The following TRIM37 variants were observed in gnomAD, a reference collection of about 807,000 sequenced individuals.
TRIM37 encodes the protein tripartite motif containing 37, also known as E3 ubiquitin-protein ligase TRIM37.
A neutral mutation model predicts 129.8 loss-of-function variants in TRIM37; 80 were observed. That is an observed-to-expected ratio of 0.62 (90% CI 0.51 to 0.74). The LOEUF is 0.74. TRIM37 is among the 30% of genes least tolerant of loss of function. The pLI is 0.00. For missense variants in TRIM37, 1,054 were observed against 1,176.5 expected (o/e 0.90, Z 1.52); for synonymous variants, 389 against 387.1 (o/e 1.00, Z -0.06).
In TRIM37 at chr17:59,064,365, C is replaced by G; in HGVS notation, c.850G>C (p.Glu284Gln). 6.3e-7 allele frequency: 1 copy of G among 1,599,940 alleles called. No homozygotes were observed. Among genetic ancestry groups the G allele is most frequent in the Non-Finnish European group, 8.5e-7 (1 of 1,172,138 alleles). Residue 284 changes from glutamate to glutamine, a missense_variant, in exon 10 of 24, where the codon GAG becomes CAG. Physicochemically the swap from Glu to Gln is conservative, Grantham distance 29 (BLOSUM62 2). Transcript: ENST00000262294. ...GTCAAAAACTCTTACCTGAAATTCT[C>G]TAAAACAAAAGTAGCTGAATCGTAA... is the stretch of plus-strand genomic sequence containing the variant. The part of the protein sequence containing the change: ...PSYDSATFVL[E>Q]NFSTLRQRAD...
At chr17:59,104,208 G>A in intron 2 of TRIM37, 85 bp downstream of exon 2, 1 of 1,371,282 alleles carries the variant, frequency 7.3e-7, no homozygotes, top group Non-Finnish European at 1.0e-6. Flanking sequence ...GGCAAAAAAT[G>A]TAAAATAAAA....
chr17:59,038,155 T>C lies in TRIM37; in HGVS notation c.1753+3658A>G, dbSNP rs58390975. Among the ~76,000 whole-genome samples the C allele has an allele frequency of 8.9e-3, 1,351 of 152,286 alleles. 28 individuals carry two copies. Among genetic ancestry groups the C allele is most frequent in the African/African-American group, 0.03 (1,247 of 41,566 alleles). On this transcript the variant is annotated intron_variant, in intron 17 of 23. Transcript: ENST00000262294. ...GCCAAGTTTCTCTACTTCAAAGTTG[T>C]TTCCCCCTTTTGAAACTGTACTATT...
At position 59,079,851 on chromosome 17, in the gene TRIM37, A is replaced by C; in HGVS notation, c.519T>G (p.Asn173Lys). 6.2e-7 allele frequency: 1 copy of C among 1,614,036 alleles called. No homozygotes were observed. Among genetic ancestry groups the C allele is most frequent in the Non-Finnish European group, 8.5e-7 (1 of 1,179,934 alleles). ...EVERNVEAVR[N>K]AKDERVREIR... ...TTTCCCGAACACGCTCATCTTTTGC[A>C]TTTCTTACAGCTTCTACATTCCTTT... The change falls in exon 7 of 24, where the codon AAT becomes AAG. Residue 173 changes from asparagine (N) to lysine (K), a missense_variant. By Grantham distance (94) the Asn-to-Lys change is moderately conservative. This residue lies in a region of TRIM37 where 752 missense variants were observed against 870.8 expected (regional missense o/e 0.86). Transcript: ENST00000262294.
chr17:59,101,104 T>C (rs1013931344), intron 2 of TRIM37, among the ~76,000 whole-genome samples: 1 of 151,522 alleles, frequency 6.6e-6, no homozygotes, highest in Non-Finnish European at 1.5e-5. Flanking sequence ...CAGTTATACC[T>C]AATAAAAAAT....
chr17:59,081,982 T>C (rs1200182078), intron 5 of TRIM37, among the ~76,000 whole-genome samples: 1 of 120,182 alleles, frequency 8.3e-6, no homozygotes, highest in Non-Finnish European at 1.8e-5. Context: ...ATAATAATAA[T>C]AATAATGCTG....
intron 16 of TRIM37, among the ~76,000 whole-genome samples, chr17:59,042,627 G>A (rs976639200): frequency 6.6e-6 from 1 of 151,152 alleles, no homozygotes; most frequent in Non-Finnish European, 1.5e-5. Context: ...GCTGGGCGTT[G>A]TGGTGGGGAC....
At chr17:59,099,655 C>T (rs886486551) in intron 2 of TRIM37, among the ~76,000 whole-genome samples, 1 of 152,074 alleles carries the variant, frequency 6.6e-6, no homozygotes, top group African/African-American at 2.4e-5. Context: ...GAAACGCTAA[C>T]TAAAACAAGG....
intron 15 of TRIM37, 36 bp downstream of exon 15, chr17:59,049,142 T>C: frequency 6.4e-7 from 1 of 1,561,764 alleles, no homozygotes; most frequent in African/African-American, 1.4e-5. Context: ...TTTTTTTTAA[T>C]CAAACACAAA....
intron 11 of TRIM37, 133 bp from the exon 12 acceptor site, chr17:59,061,241 A>G: frequency 1.4e-6 from 1 of 728,594 alleles, no homozygotes; most frequent in Non-Finnish European, 2.4e-6. Context: ...TAAAAACACC[A>G]ATAGATTTGA....
chr17:58,972,413 T>A, the TRIM37 span: 1 of 930,238 alleles, frequency 1.1e-6, no homozygotes, highest in Non-Finnish European at 1.5e-6. Context: ...TGCAATGGTG[T>A]GATCTTGGCT....
chr17:59,065,263 G>A (rs1366439460), intron 9 of TRIM37, among the ~76,000 whole-genome samples: 2 of 152,182 alleles, frequency 1.3e-5, no homozygotes, highest in Non-Finnish European at 2.9e-5. Context: ...ACAACAGTCA[G>A]TGATAACACA....
intron 22 of TRIM37, among the ~76,000 whole-genome samples, chr17:59,004,393 C>T (rs2034198056): frequency 6.6e-6 from 1 of 151,692 alleles, no homozygotes; most frequent in African/African-American, 2.4e-5. Flanking sequence ...TAAACTACTA[C>T]TTTAAGAAAC....
At chr17:59,036,737 C>T (rs922486808) in intron 17 of TRIM37, among the ~76,000 whole-genome samples, 3 of 151,990 alleles carry the variant, frequency 2.0e-5, no homozygotes, top group Admixed American at 1.3e-4. Context: ...TTTATATAAG[C>T]CCAATCATCC....
intron 22 of TRIM37, among the ~76,000 whole-genome samples, chr17:59,001,939 T>C (rs1273239610): frequency 1.3e-5 from 2 of 152,192 alleles, no homozygotes; most frequent in South Asian, 2.1e-4. Flanking sequence ...AAGTTTAAAA[T>C]TGCCCTTTCC....
At chr17:59,002,857 C>T (rs1172239617) in intron 22 of TRIM37, among the ~76,000 whole-genome samples, 1 of 151,990 alleles carries the variant, frequency 6.6e-6, no homozygotes, top group Non-Finnish European at 1.5e-5. Flanking sequence ...AAAAGTGAGA[C>T]TAAAACTCCA....
intron 15 of TRIM37, among the ~76,000 whole-genome samples, chr17:59,048,247 C>T (rs2040008207): frequency 6.6e-6 from 1 of 152,228 alleles, no homozygotes; most frequent in Non-Finnish European, 1.5e-5. Flanking sequence ...TCCACCCTTC[C>T]TTTAACTCAG....
chr17:59,027,540 T>G (rs2145487379), intron 19 of TRIM37, among the ~76,000 whole-genome samples: 1 of 152,248 alleles, frequency 6.6e-6, no homozygotes, highest in African/African-American at 2.4e-5. Context: ...AACAAGCCCC[T>G]CTATCCATTA....
At chr17:58,979,528 G>C (rs1001686918), downstream of TRIM37, among the ~76,000 whole-genome samples, 19 of 152,184 alleles carry the variant, frequency 1.2e-4, no homozygotes, top group Admixed American at 1.2e-3. Flanking sequence ...AATGATCAGA[G>C]CTTTGGTTTG....
chr17:58,969,383 A>C, the TRIM37 span: 4 of 764,624 alleles, frequency 5.2e-6, no homozygotes, highest in Non-Finnish European at 9.2e-6. Context: ...TCAGCAGTTG[A>C]TCAGGCATGT....
Sources: allele counts gnomAD v4.1 joint callset (sites outside exome capture counted in the v4.1 genomes callset), GRCh38; gene constraint gnomAD v4.1.1; regional missense constraint gnomAD v4.1.1; transcripts MANE v1.5; gene names NCBI Gene and HGNC (gene_info 2026-07-23, HGNC 2026-07-21).